The following PCNX2 variants were observed in gnomAD, a reference collection of about 807,000 sequenced individuals.
PCNX2 encodes pecanex 2.
In PCNX2, 168 loss-of-function variants were observed where a neutral mutation model predicts 223.8. The observed-to-expected ratio is 0.75, with a 90% CI of 0.66 to 0.85. PCNX2 has a LOEUF of 0.85. Ranked by LOEUF, PCNX2 falls within the 40% of genes least tolerant of loss-of-function variation. The pLI is 0.00. For missense variants in PCNX2, 2,507 were observed against 2,675.5 expected, an observed-to-expected ratio of 0.94 and a Z score of 1.39; for synonymous variants, 1,006 against 1,052.6, an observed-to-expected ratio of 0.96 and a Z score of 0.86.
intron 1 of PCNX2, among the ~76,000 whole-genome samples, chr1:233,276,832 C>A (rs1161156991): frequency 6.6e-6 from 1 of 152,240 alleles, no homozygotes; most frequent in Non-Finnish European, 1.5e-5. Context: ...GTGCCAGGCA[C>A]CGTGCATGGC....
At chr1:233,319,382 T>G in the PCNX2 span, among the ~76,000 whole-genome samples, 3 of 152,212 alleles carry the variant, frequency 2.0e-5, no homozygotes, top group Non-Finnish European at 4.4e-5. Flanking sequence ...GATTATCTTT[T>G]CTGGTATTAG....
chr1:233,109,937 A>G (rs1675018848), intron 21 of PCNX2, among the ~76,000 whole-genome samples: 1 of 152,066 alleles, frequency 6.6e-6, no homozygotes, highest in South Asian at 2.1e-4. Flanking sequence ...AAAATATAAA[A>G]ATTAGCCGGG....
the PCNX2 span, among the ~76,000 whole-genome samples, chr1:233,309,750 C>T: frequency 1.3e-5 from 2 of 151,474 alleles, no homozygotes; most frequent in African/African-American, 2.4e-5. Context: ...TGGTGGTGGG[C>T]GCCTGTAGTC....
At chr1:233,132,576 T>C (rs1291996865) in intron 21 of PCNX2, among the ~76,000 whole-genome samples, 1 of 152,194 alleles carries the variant, frequency 6.6e-6, no homozygotes, top group East Asian at 1.9e-4. Flanking sequence ...CCTCTTCTGT[T>C]CACCTGGGGC....
chr1:233,282,538 TC>T (rs1028657111), intron 1 of PCNX2, among the ~76,000 whole-genome samples: 1 of 152,198 alleles, frequency 6.6e-6, no homozygotes, highest in African/African-American at 2.4e-5. Context: ...CTCATACGCC[TC>T]TGGTTCAAAC....
At chr1:233,225,648 T>C (rs1657666519) in intron 10 of PCNX2, among the ~76,000 whole-genome samples, 1 of 152,254 alleles carries the variant, frequency 6.6e-6, no homozygotes, top group Admixed American at 6.5e-5. Flanking sequence ...AGACTTCCAA[T>C]GGATTTCCAA....
intron 23 of PCNX2, among the ~76,000 whole-genome samples, chr1:233,078,639 C>G (rs1558210571): frequency 6.6e-6 from 1 of 152,196 alleles, no homozygotes; most frequent in Non-Finnish European, 1.5e-5. Context: ...GACCTTGAAG[C>G]ATCAGCAGCA....
intron 20 of PCNX2, among the ~76,000 whole-genome samples, chr1:233,138,333 C>T (rs1057281929): frequency 6.6e-6 from 1 of 152,206 alleles, no homozygotes; most frequent in Non-Finnish European, 1.5e-5. Flanking sequence ...CTTGCATCTG[C>T]CTTCTCTAAC....
intron 17 of PCNX2, chr1:233,167,772 C>T: frequency 1.0e-6 from 1 of 984,878 alleles, no homozygotes. Context: ...CTACTGTGTC[C>T]TGTGAAAGCA....
chr1:233,295,347 C>G lies in PCNX2; in HGVS notation c.132G>C (p.Leu44=). The G allele has an allele frequency of 6.4e-7, 1 of 1,573,466 alleles. No homozygotes were observed. Among genetic ancestry groups the G allele is most frequent in the Non-Finnish European group, 8.6e-7 (1 of 1,159,212 alleles). ...CHLYLWLFLL[L]LPLALHLAFP... is the part of the protein sequence containing the mutation. ...TCACCAGGTGCAGGGCCAGGGGCAG[C>G]AGCAGGAGGAACAGCCACAGGTAGA... Residue 44 remains leucine, a synonymous_variant, in exon 1 of 34, where the codon CTG becomes CTC. Coordinates refer to ENST00000258229, the MANE Select transcript of PCNX2 (RefSeq NM_014801.4). The surrounding 1 kb of genome is among the most constrained non-coding windows in gnomAD (Gnocchi z 4.1).
intron 15 of PCNX2, among the ~76,000 whole-genome samples, chr1:233,195,368 G>A (rs59273179): frequency 0.12 from 18,214 of 152,152 alleles, 1,225 homozygotes; most frequent in East Asian, 0.22. Context: ...CATACTTAAT[G>A]GTGAAAGACT....
At chr1:233,150,748 A>AT (rs11388168) in intron 19 of PCNX2, among the ~76,000 whole-genome samples, 99,881 of 151,206 alleles carry the variant, frequency 0.66, 33,486 homozygotes, top group African/African-American at 0.79. Flanking sequence ...CATCCCATTG[A>AT]TTTTTTTTTC....
At chr1:233,111,124 A>C (rs879277697) in intron 21 of PCNX2, among the ~76,000 whole-genome samples, 1 of 152,118 alleles carries the variant, frequency 6.6e-6, no homozygotes, top group Non-Finnish European at 1.5e-5. Flanking sequence ...TATCACACGG[A>C]AAGTCGTACA....
At chr1:233,151,865 G>T (rs1401964331) in intron 19 of PCNX2, among the ~76,000 whole-genome samples, 3 of 152,194 alleles carry the variant, frequency 2.0e-5, no homozygotes, top group Non-Finnish European at 2.9e-5. Context: ...AGTAGAGATG[G>T]GGTACAGGCG....
chr1:233,049,138 G>A (rs951701632), intron 25 of PCNX2, among the ~76,000 whole-genome samples: 3 of 152,132 alleles, frequency 2.0e-5, no homozygotes, highest in African/African-American at 7.2e-5. Context: ...TGCATTCTAT[G>A]AAGCTAGCAT....
intron 13 of PCNX2, 65 bp from the exon 14 acceptor site, chr1:233,200,329 A>C (rs954694283): frequency 1.2e-4 from 138 of 1,142,646 alleles, no homozygotes; most frequent in Non-Finnish European, 1.7e-4. Flanking sequence ...CTCCTGCTGC[A>C]GTGCTGTCTC....
At chr1:233,025,582 T>A in intron 25 of PCNX2, 183 bp from the exon 26 acceptor site, 1 of 714,258 alleles carries the variant, frequency 1.4e-6, no homozygotes, top group Admixed American at 2.9e-5. Flanking sequence ...ATGAACTCTT[T>A]TATTCACTCA....
intron 25 of PCNX2, among the ~76,000 whole-genome samples, chr1:233,034,624 G>A (rs1227518347): frequency 3.9e-5 from 6 of 152,216 alleles, no homozygotes. Flanking sequence ...TTGTGTGGCT[G>A]GTAGACACAC....
intron 10 of PCNX2, among the ~76,000 whole-genome samples, chr1:233,223,532 T>C (rs1038054908): frequency 6.6e-6 from 1 of 152,122 alleles, no homozygotes; most frequent in African/African-American, 2.4e-5. Context: ...GCCATGGTGG[T>C]TTGCTGCACC....
Sources: gnomAD v4.1 joint callset for allele counts (sites outside exome capture counted in the v4.1 genomes callset) on GRCh38, gnomAD v4.1.1 for gene constraint, Gnocchi (gnomAD v3.1) non-coding constraint, MANE v1.5 for transcripts, NCBI Gene and HGNC (gene_info 2026-07-23, HGNC 2026-07-21) for gene names.